ROBO1: variants seen among roughly 807,000 people sequenced by gnomAD.
ROBO1 encodes the protein roundabout homolog 1.
Under a neutral mutation model 195.9 loss-of-function variants are expected in ROBO1, and 149 were observed. That is an observed-to-expected ratio of 0.76 (90% CI 0.67 to 0.87). The LOEUF is 0.87. Ranked by LOEUF, ROBO1 falls within the 40% of genes least tolerant of loss-of-function variation. ROBO1 has a pLI of 0.00. For missense variants in ROBO1, 1,933 were observed against 2,068.3 expected, an observed-to-expected ratio of 0.93 and a Z score of 1.27; for synonymous variants, 816 against 733.2, an observed-to-expected ratio of 1.11 and a Z score of -1.82.
chr3:79,334,011 A>G (rs1559825280), intron 2 of ROBO1, among the ~76,000 whole-genome samples: 1 of 152,054 alleles, frequency 6.6e-6, no homozygotes, highest in Non-Finnish European at 1.5e-5. Flanking sequence ...CTCATTTAAT[A>G]TTACCACTTC....
chr3:78,928,239 T>C (rs892022398), intron 4 of ROBO1, among the ~76,000 whole-genome samples: 2 of 152,116 alleles, frequency 1.3e-5, no homozygotes, highest in Admixed American at 6.5e-5. Flanking sequence ...GTATCCACAA[T>C]GTCCACTACA....
chr3:79,182,172 A>C (rs981985850), intron 2 of ROBO1, among the ~76,000 whole-genome samples: 9 of 152,114 alleles, frequency 5.9e-5, no homozygotes, highest in Non-Finnish European at 1.3e-4. Flanking sequence ...TGCAACAATA[A>C]ATTTGCGAAC....
At chr3:79,294,057 CAAAAAAAAAAA>C (rs71631641) in intron 2 of ROBO1, among the ~76,000 whole-genome samples, 2 of 29,058 alleles carry the variant, frequency 6.9e-5, no homozygotes, top group South Asian at 3.3e-3. Context: ...GACTCCATCT[CAAAAAAAAAAA>C]AAAAAAAAAA....
At chr3:79,631,157 C>A (rs893983008) in intron 1 of ROBO1, among the ~76,000 whole-genome samples, 1 of 145,518 alleles carries the variant, frequency 6.9e-6, no homozygotes, top group Non-Finnish European at 1.5e-5. Flanking sequence ...TTCTAAAATT[C>A]ATATGGAACA....
At chr3:79,668,696 T>C (rs1468284302) in intron 1 of ROBO1, among the ~76,000 whole-genome samples, 1 of 151,660 alleles carries the variant, frequency 6.6e-6, no homozygotes, top group Non-Finnish European at 1.5e-5. Flanking sequence ...TACATGTATA[T>C]ATAGATACAT....
intron 17 of ROBO1, among the ~76,000 whole-genome samples, chr3:78,657,850 T>C (rs1030555129): frequency 6.6e-6 from 1 of 152,136 alleles, no homozygotes; most frequent in Non-Finnish European, 1.5e-5. Context: ...TCTAAAGTAG[T>C]TTGCACAAAT....
chr3:79,369,821 A>G (rs1461429763), intron 2 of ROBO1, among the ~76,000 whole-genome samples: 1 of 152,206 alleles, frequency 6.6e-6, no homozygotes. Context: ...ACGTTCAAGT[A>G]AAACTGATTC....
chr3:79,241,484 T>C (rs1166414986), intron 2 of ROBO1, among the ~76,000 whole-genome samples: 1 of 152,068 alleles, frequency 6.6e-6, no homozygotes, highest in Non-Finnish European at 1.5e-5. Flanking sequence ...AAAACCAGGA[T>C]AAGTCACCTA....
intron 4 of ROBO1, among the ~76,000 whole-genome samples, chr3:78,920,213 A>G (rs566456807): frequency 2.0e-4 from 31 of 152,306 alleles, no homozygotes; most frequent in African/African-American, 7.5e-4. Flanking sequence ...TTTGTCCTAC[A>G]TTTCACTTTC....
chr3:79,015,703 C>A (rs776969146), intron 3 of ROBO1, among the ~76,000 whole-genome samples: 2 of 152,032 alleles, frequency 1.3e-5, no homozygotes, highest in Non-Finnish European at 2.9e-5. Flanking sequence ...AAGGAATAAC[C>A]ACTTTTTATA....
chr3:78,693,333 A>G, intron 8 of ROBO1: 1 of 1,550,704 alleles, frequency 6.4e-7, no homozygotes, highest in Non-Finnish European at 8.7e-7. Context: ...GATGGCCAAT[A>G]AAATGTCAAC....
intron 1 of ROBO1, among the ~76,000 whole-genome samples, chr3:79,689,383 T>A (rs543503754): frequency 3.9e-5 from 6 of 152,036 alleles, no homozygotes; most frequent in African/African-American, 1.4e-4. Context: ...CCAAAATACA[T>A]CTTATGTTTT....
chr3:79,395,179 C>T (rs903506099), intron 2 of ROBO1, among the ~76,000 whole-genome samples: 8 of 151,708 alleles, frequency 5.3e-5, no homozygotes, highest in South Asian at 4.2e-4. Flanking sequence ...AAAAATTCTC[C>T]GGGCGTGGTG....
At chr3:78,771,720 A>C (rs1306566051) in intron 4 of ROBO1, among the ~76,000 whole-genome samples, 2 of 152,142 alleles carry the variant, frequency 1.3e-5, no homozygotes, top group African/African-American at 4.8e-5. Context: ...GGTGTATACA[A>C]ATTTTTGTAA....
chr3:78,762,933 AT>A (rs2083142196), intron 4 of ROBO1, among the ~76,000 whole-genome samples: 1 of 152,106 alleles, frequency 6.6e-6, no homozygotes, highest in Admixed American at 6.6e-5. Flanking sequence ...ATTGGAGGGG[AT>A]CATAGACATG....
chr3:79,621,855 G>A (rs1170936374), intron 1 of ROBO1, among the ~76,000 whole-genome samples: 1 of 152,160 alleles, frequency 6.6e-6, no homozygotes, highest in African/African-American at 2.4e-5. Flanking sequence ...TTGCGCAGTT[G>A]AGACTACAAG....
At chr3:78,885,477 A>C (rs915682332) in intron 4 of ROBO1, among the ~76,000 whole-genome samples, 5 of 151,672 alleles carry the variant, frequency 3.3e-5, no homozygotes, top group Admixed American at 1.3e-4. Flanking sequence ...CTTGAAATAA[A>C]AGTTCCCCAA....
In ROBO1 at chr3:78,921,030, T is replaced by C. The variant is rs950306685; in HGVS notation, c.499+17571A>G. 2.0e-5 allele frequency among the ~76,000 whole-genome samples: 3 copies of C among 152,020 alleles called. No homozygotes were observed. In the East Asian group the frequency reaches 5.8e-4, roughly 29 times the overall value. Reference sequence around the variant, plus strand: ...GAGCCTCGGTTTCATAATCTCAAAGTAAGAATATTAGTAATACCTACTTCA... The same window carrying C: ...GAGCCTCGGTTTCATAATCTCAAAGCAAGAATATTAGTAATACCTACTTCA... On this transcript the variant is annotated intron_variant, in intron 4 of 30. Coordinates refer to ENST00000464233, the MANE Select transcript of ROBO1 (RefSeq NM_002941.4).
At position 79,447,388 on chromosome 3, in the gene ROBO1, A is replaced by G. The variant is rs368655292; in HGVS notation, c.88+142436T>C. On this transcript the variant is annotated intron_variant, in intron 2 of 30. Coordinates refer to ENST00000464233, the MANE Select transcript of ROBO1 (RefSeq NM_002941.4). Reference sequence around the variant, plus strand: ...AACAGAAGCAAAGAATTTTTACAAAACAAATGTCCGAAAATGGAATGGATC... The same window carrying G: ...AACAGAAGCAAAGAATTTTTACAAAGCAAATGTCCGAAAATGGAATGGATC... 1.1e-4 allele frequency among the ~76,000 whole-genome samples: 17 copies of G among 152,270 alleles called. No individual in the cohort carries two copies. The South Asian group carries it at 3.3e-3, about 30-fold the overall frequency.
Sources: allele counts gnomAD v4.1 joint callset (sites outside exome capture counted in the v4.1 genomes callset), GRCh38; gene constraint gnomAD v4.1.1; transcripts MANE v1.5; gene names NCBI Gene and HGNC (gene_info 2026-07-23, HGNC 2026-07-21).